MYLK: variants seen among roughly 807,000 people sequenced by gnomAD.
MYLK encodes myosin light chain kinase, smooth muscle.
MYLK carries 106 observed loss-of-function variants against 203.4 expected under a neutral mutation model. The ratio of observed to expected loss-of-function variants is 0.52; its 90% confidence interval spans 0.45 to 0.61. The LOEUF (loss-of-function observed/expected upper bound fraction) is 0.61. Ranked by LOEUF, MYLK falls within the 20% of genes least tolerant of loss-of-function variation. The pLI, the probability that MYLK is intolerant of heterozygous loss-of-function variation, is 0.00. For missense variants in MYLK, 2,072 were observed against 2,442.3 expected, an observed-to-expected ratio of 0.85 and a Z score of 3.20; for synonymous variants, 867 against 959.5, an observed-to-expected ratio of 0.90 and a Z score of 1.78.
At chr3:123,719,280 G>A (rs1233440304) in intron 13 of MYLK, among the ~76,000 whole-genome samples, 2 of 151,864 alleles carry the variant, frequency 1.3e-5, no homozygotes, top group African/African-American at 2.4e-5. Context: ...GGAGGGACAC[G>A]CGTTGCTGCA....
intron 3 of MYLK, among the ~76,000 whole-genome samples, chr3:123,802,860 C>T (rs2065241785): frequency 6.6e-6 from 1 of 152,198 alleles, no homozygotes; most frequent in Non-Finnish European, 1.5e-5. Flanking sequence ...TCACTCACTT[C>T]ATTCTTAGGT....
intron 4 of MYLK, among the ~76,000 whole-genome samples, chr3:123,771,817 A>G (rs1379800941): frequency 6.6e-6 from 1 of 152,244 alleles, no homozygotes; most frequent in Non-Finnish European, 1.5e-5. Flanking sequence ...CACAAGGCCT[A>G]TTATATAATA....
intron 13 of MYLK, among the ~76,000 whole-genome samples, chr3:123,712,424 G>A (rs79350091): frequency 0.043 from 6,497 of 152,252 alleles, 299 homozygotes; most frequent in African/African-American, 0.1. Flanking sequence ...ATGCAGATGG[G>A]CTCAAATTCC....
At chr3:123,624,897 CCT>C (rs982100257) in intron 31 of MYLK, 1 of 152,222 alleles carries the variant, frequency 6.6e-6, no homozygotes, top group Non-Finnish European at 1.5e-5. Context: ...CCTCTTTCAA[CCT>C]CTGAGTGACA....
intron 2 of MYLK, among the ~76,000 whole-genome samples, chr3:123,853,230 A>G (rs553187391): frequency 2.6e-5 from 4 of 152,126 alleles, no homozygotes; most frequent in Non-Finnish European, 5.9e-5. Context: ...CCAACAAAAC[A>G]CCATCAGCTT....
At chr3:123,738,666 T>C (rs2062760122) in intron 7 of MYLK, among the ~76,000 whole-genome samples, 1 of 152,146 alleles carries the variant, frequency 6.6e-6, no homozygotes, top group South Asian at 2.1e-4. Context: ...TCTGATGGTT[T>C]TATAAAGAGG....
At chr3:123,836,735 G>C (rs1418935599) in intron 2 of MYLK, among the ~76,000 whole-genome samples, 2 of 152,172 alleles carry the variant, frequency 1.3e-5, no homozygotes, top group African/African-American at 4.8e-5. Context: ...TCTCAGCCAG[G>C]TCATTAAAAT....
chr3:123,708,032 C>T (rs2061529954), intron 15 of MYLK, 29 bp from the exon 16 acceptor site: 3 of 1,613,312 alleles, frequency 1.9e-6, no homozygotes, highest in African/African-American at 1.3e-5. Flanking sequence ...CAGAGCTAAA[C>T]AGGGATGTCC....
chr3:123,663,031 T>A (rs1293763090), intron 23 of MYLK, among the ~76,000 whole-genome samples: 3 of 152,192 alleles, frequency 2.0e-5, no homozygotes, highest in Non-Finnish European at 4.4e-5. Context: ...GGCTTTCACA[T>A]GCACAACATA....
At chr3:123,881,037 G>A (rs72974256) in intron 1 of MYLK, among the ~76,000 whole-genome samples, 15,318 of 152,240 alleles carry the variant, frequency 0.1, 1,208 homozygotes, top group East Asian at 0.36. Flanking sequence ...AAAACTCAAG[G>A]AAGAATAAAG....
At chr3:123,671,327 A>G (rs1211590858) in intron 20 of MYLK, among the ~76,000 whole-genome samples, 3 of 152,254 alleles carry the variant, frequency 2.0e-5, no homozygotes, top group African/African-American at 7.2e-5. Context: ...AGCCATTAGA[A>G]TGGAAACCTT....
At chr3:123,836,295 G>C (rs984763136) in intron 2 of MYLK, among the ~76,000 whole-genome samples, 2 of 152,120 alleles carry the variant, frequency 1.3e-5, no homozygotes, top group Non-Finnish European at 2.9e-5. Flanking sequence ...CCTGCTTCTA[G>C]GTACCCAGCT....
intron 21 of MYLK, 138 bp from the exon 22 acceptor site, chr3:123,666,484 G>A: frequency 8.3e-7 from 1 of 1,212,022 alleles, no homozygotes; most frequent in South Asian, 1.3e-5. Flanking sequence ...GAGGGGCAGT[G>A]ATCCTGCTGC....
rs138423692 is a variant in MYLK, at chr3:123,638,103, G to A, written c.4929C>T (p.Asp1643=). 6.3e-5 allele frequency: 101 copies of A among 1,614,000 alleles called. No individual in the cohort carries two copies. In the African/African-American group the frequency reaches 1.3e-3, roughly 20 times the overall value. ...INYEPIGYAT[D]MWSIGVICYI... ...AGCAGATGACCCCGATGCTCCACATGTCTGTGGCGTAGCCGATGGGCTCAT... is the reference window on the plus strand; with the variant it reads ...AGCAGATGACCCCGATGCTCCACATATCTGTGGCGTAGCCGATGGGCTCAT... The change falls in exon 29 of 34, where the codon GAC becomes GAT. Residue 1643 remains aspartate, a synonymous_variant. Coordinates refer to ENST00000360304, the MANE Select transcript of MYLK (RefSeq NM_053025.4).
At chr3:123,729,077 G>C (rs1367528015) in intron 11 of MYLK, among the ~76,000 whole-genome samples, 1 of 152,178 alleles carries the variant, frequency 6.6e-6, no homozygotes, top group Non-Finnish European at 1.5e-5. Context: ...GAGCCCAAAT[G>C]GTTGTGCAGG....
At chr3:123,699,956 T>C (rs1473330591) in intron 18 of MYLK, 64 bp downstream of exon 18, 9 of 1,610,748 alleles carry the variant, frequency 5.6e-6, no homozygotes, top group Non-Finnish European at 6.8e-6. Flanking sequence ...AGACCAACGC[T>C]CCATGAGCTA....
At chr3:123,720,209 CT>C (rs2062038167) in intron 13 of MYLK, among the ~76,000 whole-genome samples, 2 of 152,114 alleles carry the variant, frequency 1.3e-5, no homozygotes, top group Admixed American at 6.5e-5. Context: ...TTTTGTTTTC[CT>C]TTGGATGGGT....
At chr3:123,777,537 C>T (rs567230379) in intron 4 of MYLK, among the ~76,000 whole-genome samples, 62 of 152,352 alleles carry the variant, frequency 4.1e-4, no homozygotes, top group Non-Finnish European at 8.1e-4. Context: ...CGCTCACCCT[C>T]TCTTCCCCTG....
intron 23 of MYLK, among the ~76,000 whole-genome samples, chr3:123,663,068 A>T (rs137895457): frequency 2.6e-5 from 4 of 152,334 alleles, no homozygotes; most frequent in Middle Eastern, 3.4e-3. Context: ...CATGAGGCAT[A>T]GAGTCTACTC....
Sources: gnomAD v4.1 joint callset for allele counts (sites outside exome capture counted in the v4.1 genomes callset) on GRCh38, gnomAD v4.1.1 for gene constraint, MANE v1.5 for transcripts, NCBI Gene and HGNC (gene_info 2026-07-23, HGNC 2026-07-21) for gene names.